MARCHF4: variants seen among roughly 807,000 people sequenced by gnomAD.
MARCHF4 encodes the protein membrane associated ring-CH-type finger 4.
A neutral mutation model predicts 43.9 loss-of-function variants in MARCHF4; 14 were observed. The observed-to-expected ratio is 0.32, with a 90% CI of 0.21 to 0.50. The LOEUF (loss-of-function observed/expected upper bound fraction) is 0.50. Ranked by LOEUF, MARCHF4 falls within the 20% of genes least tolerant of loss-of-function variation. The probability of loss-of-function intolerance (pLI) is 0.98; values close to 1 mark genes in which losing one functional copy is unlikely to be tolerated. For synonymous variants in MARCHF4, 226 were observed against 213.3 expected, an observed-to-expected ratio of 1.06 and a Z score of -0.52; for missense variants, 468 against 536.7, an observed-to-expected ratio of 0.87 and a Z score of 1.27.
intron 1 of MARCHF4, among the ~76,000 whole-genome samples, 164 bp from the exon 2 acceptor site, chr2:216,283,893 C>T (rs1229035995): frequency 6.6e-6 from 1 of 152,132 alleles, no homozygotes; most frequent in Non-Finnish European, 1.5e-5. Flanking sequence ...GGCTCCTGCA[C>T]CCCCACCATG....
chr2:216,351,802 T>C (rs1692407994), intron 1 of MARCHF4, among the ~76,000 whole-genome samples: 1 of 152,242 alleles, frequency 6.6e-6, no homozygotes, highest in Non-Finnish European at 1.5e-5. Context: ...TCAAAGTGCA[T>C]TATTCTATAA....
chr2:216,268,301 G>A (rs958790145), intron 3 of MARCHF4, among the ~76,000 whole-genome samples: 1 of 152,188 alleles, frequency 6.6e-6, no homozygotes, highest in Non-Finnish European at 1.5e-5. Context: ...CAAGGCCATA[G>A]AGGTGATTAG....
At chr2:216,266,559 C>G (rs1690848226) in intron 3 of MARCHF4, among the ~76,000 whole-genome samples, 2 of 152,166 alleles carry the variant, frequency 1.3e-5, no homozygotes, top group Non-Finnish European at 2.9e-5. Context: ...CCAAATGATT[C>G]TCATACTGGT....
At chr2:216,270,257 G>T (rs190333636) in intron 3 of MARCHF4, among the ~76,000 whole-genome samples, 2 of 152,124 alleles carry the variant, frequency 1.3e-5, no homozygotes, top group East Asian at 3.9e-4. Flanking sequence ...TTAAATTTTT[G>T]TAGAGATGAG....
intron 1 of MARCHF4, among the ~76,000 whole-genome samples, chr2:216,323,686 A>C (rs2105965662): frequency 6.6e-6 from 1 of 152,372 alleles, no homozygotes; most frequent in Middle Eastern, 3.4e-3. Context: ...ACTACATGGA[A>C]ACTGAACAAC....
intron 1 of MARCHF4, among the ~76,000 whole-genome samples, chr2:216,334,303 CAG>C (rs1692124846): frequency 6.6e-6 from 1 of 152,212 alleles, no homozygotes; most frequent in Admixed American, 6.5e-5. Flanking sequence ...AGCAAGAAAA[CAG>C]AGACTTCTTC....
intron 1 of MARCHF4, among the ~76,000 whole-genome samples, chr2:216,354,635 C>T (rs1175638195): frequency 6.6e-6 from 1 of 152,168 alleles, no homozygotes; most frequent in Non-Finnish European, 1.5e-5. Flanking sequence ...CTTTTTGCTG[C>T]CACTAGACCA....
At chr2:216,296,844 G>A (rs1243297469) in intron 1 of MARCHF4, among the ~76,000 whole-genome samples, 1 of 152,154 alleles carries the variant, frequency 6.6e-6, no homozygotes, top group Admixed American at 6.5e-5. Context: ...CTTTCTGAGG[G>A]TGGCGTAATG....
chr2:216,272,387 T>C (rs1490793015), intron 3 of MARCHF4, among the ~76,000 whole-genome samples: 1 of 152,192 alleles, frequency 6.6e-6, no homozygotes, highest in Admixed American at 6.5e-5. Context: ...CAGGAGCAGC[T>C]GGGGCTCACT....
chr2:216,352,129 G>C (rs978874450), intron 1 of MARCHF4, among the ~76,000 whole-genome samples: 1 of 152,198 alleles, frequency 6.6e-6, no homozygotes, highest in Non-Finnish European at 1.5e-5. Flanking sequence ...CAACCACATT[G>C]GAGGGACCTT....
chr2:216,263,517 G>GAGAAAGAGAGAGAGAGAGAGAGAGAA (rs1553591490), intron 3 of MARCHF4, among the ~76,000 whole-genome samples: 2 of 97,214 alleles, frequency 2.1e-5, no homozygotes, highest in African/African-American at 5.6e-5. Flanking sequence ...GAGAGAGAGA[G>GAGAAAGAGAGAGAGAGAGAGAGAGAA]AGAGAGAGAG....
intron 3 of MARCHF4, 66 bp from the exon 4 acceptor site, chr2:216,259,745 A>C (rs1690711395): frequency 6.7e-7 from 1 of 1,494,362 alleles, no homozygotes; most frequent in South Asian, 1.2e-5. Flanking sequence ...CCAGGAGACC[A>C]CAGTCTCTCT....
At chr2:216,299,693 TGAC>T (rs1691456494) in intron 1 of MARCHF4, among the ~76,000 whole-genome samples, 1 of 152,246 alleles carries the variant, frequency 6.6e-6, no homozygotes, top group South Asian at 2.1e-4. Context: ...CACCAGCTGC[TGAC>T]TTCACTTCTG....
At chr2:216,367,125 G>A (rs1692679090) in intron 1 of MARCHF4, among the ~76,000 whole-genome samples, 1 of 152,162 alleles carries the variant, frequency 6.6e-6, no homozygotes, top group African/African-American at 2.4e-5. Context: ...GGGTGATGGG[G>A]AGCAGGGAGG....
At chr2:216,273,864 T>A (rs1437462239) in intron 3 of MARCHF4, among the ~76,000 whole-genome samples, 1 of 152,184 alleles carries the variant, frequency 6.6e-6, no homozygotes, top group Non-Finnish European at 1.5e-5. Flanking sequence ...AAATCTGGTT[T>A]GGGTGGCCAG....
At chr2:216,320,066 G>C (rs1485869362) in intron 1 of MARCHF4, among the ~76,000 whole-genome samples, 2 of 152,156 alleles carry the variant, frequency 1.3e-5, no homozygotes, top group East Asian at 3.8e-4. Context: ...AGTGTGATGG[G>C]TGGTGTTAAA....
chr2:216,324,057 T>C (rs1371877882), intron 1 of MARCHF4, among the ~76,000 whole-genome samples: 1 of 150,984 alleles, frequency 6.6e-6, no homozygotes, highest in African/African-American at 2.4e-5. Context: ...ACAAAATTGA[T>C]AGACCGCTAG....
chr2:216,331,000 GAAAAC>G (rs891189898), intron 1 of MARCHF4, among the ~76,000 whole-genome samples: 11 of 151,798 alleles, frequency 7.2e-5, no homozygotes, highest in African/African-American at 1.9e-4. Flanking sequence ...TAATGAATTA[GAAAAC>G]AAAACAAAAC....
At chr2:216,295,948 C>T (rs1422194878) in intron 1 of MARCHF4, among the ~76,000 whole-genome samples, 1 of 152,146 alleles carries the variant, frequency 6.6e-6, no homozygotes, top group Non-Finnish European at 1.5e-5. Flanking sequence ...GAGTTCGAGA[C>T]CAGCCTGGCC....
Sources: gnomAD v4.1 joint callset for allele counts (sites outside exome capture counted in the v4.1 genomes callset) on GRCh38, gnomAD v4.1.1 for gene constraint, MANE v1.5 for transcripts, NCBI Gene and HGNC (gene_info 2026-07-23, HGNC 2026-07-21) for gene names.